Variants in ERICH5 observed in about 807,000 individuals in gnomAD.
ERICH5 encodes the protein glutamate-rich protein 5.
A neutral mutation model predicts 28.0 loss-of-function variants in ERICH5; 24 were observed. The ratio of observed to expected loss-of-function variants is 0.86; its 90% CI spans 0.62 to 1.21. The LOEUF (loss-of-function observed/expected upper bound fraction) is 1.21, where lower values mean the gene tolerates loss of function less well. Among genes scored for constraint, ERICH5 ranks in the 50% most tolerant of loss-of-function variants. The pLI, the probability that ERICH5 is intolerant of heterozygous loss-of-function variation, is 0.00. For missense variants in ERICH5, 421 were observed against 441.2 expected (o/e 0.95, Z 0.41); for synonymous variants, 163 against 157.6 (o/e 1.03, Z -0.25).
At position 98,091,900 on chromosome 8, in the gene ERICH5, C is replaced by CTTCCTTCCTTTCTTT; in HGVS notation, c.1013-1321_1013-1320insTTCCTTCCTTTCTTT. 2.9e-4 allele frequency among the ~76,000 whole-genome samples: 22 copies of CTTCCTTCCTTTCTTT among 74,708 alleles called. 1 individual carries two copies. The highest frequency in any genetic ancestry group is 1.2e-3 in the African/African-American group (22 of 17,842). 49.0% of individuals were successfully genotyped at this position (74,708 alleles called of 152,430 possible). ...TCTTTCTTTCTTTCTTTCTTTCTTT[C>CTTCCTTCCTTTCTTT]CTTTCTTTCTTTCTTTCTTCCTTTC... On this transcript the variant is annotated intron_variant, in intron 2 of 2. Coordinates refer to ENST00000318528, the MANE Select transcript of ERICH5 (RefSeq NM_173549.3).
rs745402335 is a variant in ERICH5 at position 98,090,006 on chromosome 8, A to G, written c.989A>G (p.Asn330Ser). 5.5e-5 allele frequency: 88 copies of G among 1,612,704 alleles called. No individual in the cohort carries two copies. Among genetic ancestry groups the G allele is most frequent in the Non-Finnish European group, 7.2e-5 (85 of 1,179,432 alleles). ...YVEMIRNIHT[N>S]EEDQRIEGET... ...GAAATGATCAGGAACATCCATACTA[A>G]TGAAGAGGACCAACGCATTGAAGGT... Residue 330 changes from asparagine to serine, a missense_variant, in exon 2 of 3, where the codon AAT becomes AGT. Physicochemically the swap from Asn to Ser is conservative, Grantham distance 46. Coordinates refer to ENST00000318528, the MANE Select transcript of ERICH5 (RefSeq NM_173549.3).
intron 1 of ERICH5, among the ~76,000 whole-genome samples, chr8:98,065,515 T>C (rs1434121144): frequency 1.3e-5 from 2 of 152,198 alleles, no homozygotes; most frequent in Non-Finnish European, 2.9e-5. Flanking sequence ...ATGCTGGAGA[T>C]ACAAGTGACC....
At chr8:98,067,030 A>C (rs556562011) in intron 1 of ERICH5, among the ~76,000 whole-genome samples, 1 of 152,356 alleles carries the variant, frequency 6.6e-6, no homozygotes, top group South Asian at 2.1e-4. Flanking sequence ...ACTTCATTTA[A>C]TCCTTATAAC....
At chr8:98,086,064 T>C (rs977676271) in intron 1 of ERICH5, among the ~76,000 whole-genome samples, 1 of 152,192 alleles carries the variant, frequency 6.6e-6, no homozygotes, top group Admixed American at 6.5e-5. Context: ...TAAAGCATCT[T>C]CGGAGGTGTT....
At chr8:98,087,540 C>T (rs1421120455) in intron 1 of ERICH5, among the ~76,000 whole-genome samples, 2 of 152,040 alleles carry the variant, frequency 1.3e-5, no homozygotes, top group African/African-American at 4.8e-5. Context: ...CCCCTAGAGA[C>T]CCACTTTAAC....
At chr8:98,075,520 T>C (rs928143501) in intron 1 of ERICH5, among the ~76,000 whole-genome samples, 7 of 151,102 alleles carry the variant, frequency 4.6e-5, no homozygotes, top group Admixed American at 1.3e-4. Context: ...TTCCTAAGCA[T>C]GGAACTGAAG....
At chr8:98,088,417 G>A (rs938424561) in intron 1 of ERICH5, among the ~76,000 whole-genome samples, 2 of 152,200 alleles carry the variant, frequency 1.3e-5, no homozygotes, top group Non-Finnish European at 2.9e-5. Context: ...ACAATGGCCA[G>A]AAGTAAAATG....
chr8:98,085,789 C>T (rs942469923), intron 1 of ERICH5, among the ~76,000 whole-genome samples: 3 of 152,218 alleles, frequency 2.0e-5, no homozygotes, highest in African/African-American at 7.2e-5. Context: ...TTCCTGAGTC[C>T]TCCAGGCTTC....
chr8:98,089,451 G>A lies in ERICH5; in HGVS notation c.434G>A (p.Gly145Glu). ...GGGACAGAGGCCGAGTCTCTAAAAG[G>A]AAATGCTGAAGCTCAGCCTTTAGGA... is the stretch of plus-strand genomic sequence containing the variant. Reference protein sequence around the residue: ...GAGTEAESLKGNAEAQPLGPE... With the variant: ...GAGTEAESLKENAEAQPLGPE... Residue 145 changes from glycine (G) to glutamate (E), a missense_variant, in exon 2 of 3, where the codon GGA (glycine) becomes GAA (glutamate). Transcript: ENST00000318528. 6.2e-7 allele frequency: 1 copy of A among 1,614,226 alleles called. No homozygotes were observed.
At chr8:98,068,340 C>T (rs1185436024) in intron 1 of ERICH5, among the ~76,000 whole-genome samples, 2 of 152,144 alleles carry the variant, frequency 1.3e-5, no homozygotes, top group Admixed American at 6.5e-5. Context: ...TTTGGGAGAA[C>T]AGAGGTGAAG....
At chr8:98,069,160 G>T (rs1436684951) in intron 1 of ERICH5, among the ~76,000 whole-genome samples, 2 of 152,130 alleles carry the variant, frequency 1.3e-5, no homozygotes, top group East Asian at 3.9e-4. Flanking sequence ...TGTGCCTTGT[G>T]TCATTTCTGG....
At chr8:98,084,053 A>ATTTT (rs11298792) in intron 1 of ERICH5, among the ~76,000 whole-genome samples, 1 of 139,582 alleles carries the variant, frequency 7.2e-6, no homozygotes. Flanking sequence ...GCTAATTTTA[A>ATTTT]TTTTTTTTTT....
At chr8:98,074,889 C>A (rs906284247) in intron 1 of ERICH5, among the ~76,000 whole-genome samples, 1 of 152,196 alleles carries the variant, frequency 6.6e-6, no homozygotes, top group Non-Finnish European at 1.5e-5. Flanking sequence ...TCCTGTTTCA[C>A]TTCCAGCGTC....
At chr8:98,083,744 G>A (rs139309238) in intron 1 of ERICH5, among the ~76,000 whole-genome samples, 100 of 152,270 alleles carry the variant, frequency 6.6e-4, no homozygotes, top group Middle Eastern at 3.4e-3. Flanking sequence ...ATTTCCAGCC[G>A]AGATTTATAC....
chr8:98,088,943 T>C, intron 1 of ERICH5, 133 bp from the exon 2 acceptor site: 1 of 660,248 alleles, frequency 1.5e-6, no homozygotes, highest in Non-Finnish European at 2.5e-6. Context: ...ATGGCCTTTC[T>C]GTACTCAGAT....
At chr8:98,071,774 C>T (rs910068497) in intron 1 of ERICH5, among the ~76,000 whole-genome samples, 1 of 152,124 alleles carries the variant, frequency 6.6e-6, no homozygotes, top group African/African-American at 2.4e-5. Context: ...GTCCTTGAAC[C>T]ACTTCTTGGG....
Position 98,073,428 on chromosome 8 carries a change from CTCTCTATA to C in ERICH5, c.58+8703_58+8710del, listed in dbSNP as rs1341849851. 2.0e-4 allele frequency among the ~76,000 whole-genome samples: 4 copies of C among 19,676 alleles called. 1 individual carries two copies. Among genetic ancestry groups the C allele is most frequent in the Non-Finnish European group, 3.3e-4 (4 of 12,198 alleles). 12.9% of individuals were successfully genotyped at this position (19,676 alleles called of 152,430 possible). ...CCTCTCTCTCTCTCTCTCTCTCTCT[CTCTCTATA>C]TATATATATATATATATATATATGT... On this transcript the variant is annotated intron_variant, in intron 1 of 2. Coordinates refer to ENST00000318528, the MANE Select transcript of ERICH5 (RefSeq NM_173549.3).
chr8:98,093,316 C>A lies in ERICH5; in HGVS notation c.1108C>A (p.Leu370Ile), dbSNP rs764160240. ...KEEETGEVVD[L>I]SAAT is the part of the protein sequence containing the mutation. Reference sequence around the variant, plus strand: ...AGAAGAAACAGGAGAAGTGGTGGACCTTTCAGCAGCCACATAGATAGAAGA... The same window carrying A: ...AGAAGAAACAGGAGAAGTGGTGGACATTTCAGCAGCCACATAGATAGAAGA... The change falls in exon 3 of 3, where the codon CTT becomes ATT. Residue 370 changes from leucine to isoleucine, a missense_variant. By Grantham distance (5) the Leu-to-Ile change is conservative (BLOSUM62 2). Coordinates refer to ENST00000318528, the MANE Select transcript of ERICH5 (RefSeq NM_173549.3). 6.2e-7 allele frequency: 1 copy of A among 1,613,008 alleles called. No individual in the cohort carries two copies. Among genetic ancestry groups the A allele is most frequent in the Non-Finnish European group, 8.5e-7 (1 of 1,179,186 alleles).
intron 1 of ERICH5, among the ~76,000 whole-genome samples, chr8:98,067,260 C>A (rs1333492306): frequency 6.6e-6 from 1 of 151,254 alleles, no homozygotes; most frequent in African/African-American, 2.4e-5. Context: ...CATAGTAAGA[C>A]CCTGTATCTA....
Sources: gnomAD v4.1 joint callset for allele counts (sites outside exome capture counted in the v4.1 genomes callset) on GRCh38, gnomAD v4.1.1 for gene constraint, MANE v1.5 for transcripts, NCBI Gene and HGNC (gene_info 2026-07-23, HGNC 2026-07-21) for gene names.